DUOX2: variants seen among roughly 807,000 people sequenced by gnomAD.
DUOX2 encodes dual oxidase 2.
DUOX2 carries 185 observed loss-of-function variants against 183.3 expected under a neutral mutation model. The ratio of observed to expected loss-of-function variants is 1.01; its 90% CI spans 0.90 to 1.14. The LOEUF (loss-of-function observed/expected upper bound fraction) is 1.14. Among genes scored for constraint, DUOX2 ranks in the 50% most tolerant of loss-of-function variants. The pLI is 0.00. For missense variants in DUOX2, 1,999 were observed against 2,022.9 expected, an observed-to-expected ratio of 0.99 and a Z score of 0.23; for synonymous variants, 788 against 812.4, an observed-to-expected ratio of 0.97 and a Z score of 0.51.
intron 19 of DUOX2, 30 bp downstream of exon 19, chr15:45,104,110 T>C (rs1894151766): frequency 6.2e-7 from 1 of 1,613,986 alleles, no homozygotes; most frequent in Admixed American, 1.7e-5. Context: ...CCTGGATTCT[T>C]GGATAGCCTG....
rs1424506821 is a variant in DUOX2 at position 45,095,833 on chromosome 15, G to A, written c.4075C>T (p.Pro1359Ser). Residue 1359 changes from proline to serine, a missense_variant, in exon 30 of 34, where the codon CCA becomes TCA. Transcript: ENST00000389039. ...GGGTTCCCAGTGACGGGCACCTTTG[G>A]GTATCCAGCACAGCCATTGCCCTTT... ...SPKGNGCAGY[P>S]KLYLDGPFGE... The A allele has an allele frequency of 6.2e-7, 1 of 1,613,764 alleles. No individual in the cohort carries two copies. The highest frequency in any genetic ancestry group is 8.5e-7 in the Non-Finnish European group (1 of 1,179,784).
chr15:45,102,127 G>T, intron 20 of DUOX2, 138 bp from the exon 21 acceptor site: 2 of 1,120,204 alleles, frequency 1.8e-6, no homozygotes, highest in Non-Finnish European at 2.6e-6. Context: ...TGCTCATCCA[G>T]CCTGCCGCTG....
chr15:45,113,143 C>A, intron 2 of DUOX2, 67 bp from the exon 3 acceptor site: 1 of 1,546,282 alleles, frequency 6.5e-7, no homozygotes, highest in Non-Finnish European at 8.8e-7. Flanking sequence ...CAACGAAGGC[C>A]TTGGCCAGTC....
chr15:45,101,579 G>A, intron 21 of DUOX2: 1 of 655,532 alleles, frequency 1.5e-6, no homozygotes, highest in Non-Finnish European at 2.7e-6. Flanking sequence ...GCAGTGTGTA[G>A]GATAGATTTC....
chr15:45,106,697 G>A (rs1894223960), intron 15 of DUOX2, 56 bp from the exon 16 acceptor site: 1 of 1,610,660 alleles, frequency 6.2e-7, no homozygotes, highest in African/African-American at 1.3e-5. Context: ...GAGCTCCACT[G>A]TGGCTTAGGC....
rs1350851900 is a variant in DUOX2 at position 45,094,975 on chromosome 15, G to A, written c.4356C>T (p.Thr1452=). The change falls in exon 32 of 34, where the codon ACC becomes ACT. Residue 1452 remains threonine (T), a synonymous_variant. Transcript: ENST00000389039. ...TGAGGTCGAACTTCTCAGCCAGCTG[G>A]GTGACATAAATGTGCACAGACACCA... The part of the protein sequence containing the change: ...QDLVSVHIYV[T]QLAEKFDLRT... 1 of 1,613,956 alleles carries A rather than the reference G, an allele frequency of 6.2e-7. No individual in the cohort carries two copies. Among genetic ancestry groups the A allele is most frequent in the Non-Finnish European group, 8.5e-7 (1 of 1,179,998 alleles).
chr15:45,112,677 C>T lies in DUOX2; in HGVS notation c.202G>A (p.Gly68Ser), dbSNP rs886051198. Residue 68 changes from glycine (G) to serine (S), a missense_variant, in exon 4 of 34, where the codon GGT (glycine) becomes AGT (serine). Coordinates refer to ENST00000389039, the MANE Select transcript of DUOX2 (RefSeq NM_001363711.2). The part of the protein sequence containing the change: ...QRRVPANYAD[G>S]VYQALEEPQL... Reference sequence around the variant, plus strand: ...GGCTCCTCCAGAGCCTGATACACACCGTCGGCGTAATTGGCTGGTACGCGG... The same window carrying T: ...GGCTCCTCCAGAGCCTGATACACACTGTCGGCGTAATTGGCTGGTACGCGG... The T allele has an allele frequency of 1.2e-6, 2 of 1,612,748 alleles. No homozygotes were observed. The highest frequency in any genetic ancestry group is 1.7e-5 in the Admixed American group (1 of 60,032).
At chr15:45,103,600 T>C (rs1190641890) in intron 20 of DUOX2, among the ~76,000 whole-genome samples, 3 of 152,156 alleles carry the variant, frequency 2.0e-5, no homozygotes, top group East Asian at 3.8e-4. Context: ...ACTGTTTCAC[T>C]GGGTAGAGCA....
In DUOX2 at chr15:45,095,768, A is replaced by T. The variant is rs1185490814; in HGVS notation, c.4080+60T>A. On this transcript the variant is annotated intron_variant, in intron 30 of 33. Coordinates refer to ENST00000389039, the MANE Select transcript of DUOX2 (RefSeq NM_001363711.2). Reference sequence around the variant, plus strand: ...GGAGCTTCTAGTCTCAGGATAGGGAAGGGCAGAGATCCTCTGCCAGTGCCA... The same window carrying T: ...GGAGCTTCTAGTCTCAGGATAGGGATGGGCAGAGATCCTCTGCCAGTGCCA... The T allele has an allele frequency of 2.6e-6, 4 of 1,555,782 alleles. No individual in the cohort carries two copies. In the Admixed American group the frequency reaches 5.2e-5, roughly 20 times the overall value.
chr15:45,099,010 T>TA (rs1430517701), intron 26 of DUOX2: 22 of 284,496 alleles, frequency 7.7e-5, no homozygotes, highest in African/African-American at 4.9e-4. Flanking sequence ...TGCCTATTTC[T>TA]TTCTTTTTTT....
intron 33 of DUOX2, 60 bp from the exon 34 acceptor site, chr15:45,094,332 G>A (rs1893843376): frequency 2.5e-6 from 4 of 1,611,878 alleles, no homozygotes; most frequent in Admixed American, 1.7e-5. Flanking sequence ...CTCTCCTTGG[G>A]AAAAGCTGCT....
rs1443158045 is a variant in DUOX2 at position 45,092,728 on chromosome 15, A to T, written c.*1422T>A. On this transcript the variant is annotated 3_prime_UTR_variant, in exon 34 of 34. Transcript: ENST00000389039. Reference sequence around the variant, plus strand: ...CAACCCAAACGTCCATCAACAGAAGAATAAACAAACTGTGGTACATCTCTA... The same window carrying T: ...CAACCCAAACGTCCATCAACAGAAGTATAAACAAACTGTGGTACATCTCTA... 1.3e-5 allele frequency: 2 copies of T among 152,242 alleles called. No homozygotes were observed. Among genetic ancestry groups the T allele is most frequent in the African/African-American group, 4.8e-5 (2 of 41,468 alleles). 9.4% of individuals were successfully genotyped at this position (152,242 alleles called of 1,614,324 possible).
At chr15:45,113,526 A>G in intron 1 of DUOX2, 101 bp from the exon 2 acceptor site, 1 of 926,158 alleles carries the variant, frequency 1.1e-6, no homozygotes, top group Non-Finnish European at 1.7e-6. Flanking sequence ...CTGGAGGAGG[A>G]GCACCAGCTG....
At chr15:45,106,673 G>T in intron 15 of DUOX2, 32 bp from the exon 16 acceptor site, 1 of 1,608,172 alleles carries the variant, frequency 6.2e-7, no homozygotes, top group South Asian at 1.1e-5. Context: ...AGTGAGGAGG[G>T]AGCCCCTCAC....
intron 28 of DUOX2, 48 bp downstream of exon 28, chr15:45,097,566 C>T: frequency 6.2e-7 from 1 of 1,614,072 alleles, no homozygotes; most frequent in Non-Finnish European, 8.5e-7. Context: ...CCTTCCTGTC[C>T]CATCCTGAGC....
Position 45,094,444 on chromosome 15 carries a change from C to G in DUOX2, c.4524+119G>C, listed in dbSNP as rs891257912. ...TCCCCCTTTAACAGCTGACCTCATC[C>G]TGGGGCCAGGCAATCGGGTGGAGTT... On this transcript the variant is annotated intron_variant, in intron 33 of 33. Transcript: ENST00000389039. 5 of 1,527,560 alleles carry G rather than the reference C, an allele frequency of 3.3e-6. No individual in the cohort carries two copies. The African/African-American group carries it at 6.9e-5, about 21-fold the overall frequency. 94.6% of individuals were successfully genotyped at this position (1,527,560 alleles called of 1,614,324 possible).
In DUOX2 at chr15:45,106,310, G is replaced by A. The variant is rs1214313155; in HGVS notation, c.1963C>T (p.Pro655Ser). The part of the protein sequence containing the change: ...DGVPAMEWPG[P>S]KERSSPIIIQ... ...ATGATGGGACTGCTCCTCTCCTTGGGGCCTGGCCACTCCATCGCTGGGGAA... is the reference window on the plus strand; with the variant it reads ...ATGATGGGACTGCTCCTCTCCTTGGAGCCTGGCCACTCCATCGCTGGGGAA... Residue 655 changes from proline to serine, a missense_variant, in exon 17 of 34, where the codon CCC (proline) becomes TCC (serine). Pro to Ser is a moderately conservative substitution (Grantham distance 74). Around this residue, in one of 3 missense-constraint regions of DUOX2, gnomAD observed 1,628 missense variants for 1,608.6 expected, o/e 1.01. Transcript: ENST00000389039. The A allele has an allele frequency of 6.2e-6, 10 of 1,613,904 alleles. No individual in the cohort carries two copies. The highest frequency in any genetic ancestry group is 5.3e-5 in the African/African-American group (4 of 74,888).
At position 45,104,139 on chromosome 15, in the gene DUOX2, C is replaced by T. The variant is rs1219664039; in HGVS notation, c.2560+1G>A. 6.2e-7 allele frequency: 1 copy of T among 1,614,076 alleles called. No individual in the cohort carries two copies. The highest frequency in any genetic ancestry group is 8.5e-7 in the Non-Finnish European group (1 of 1,180,038). On this transcript the variant is annotated splice_donor_variant, in intron 19 of 33. Coordinates refer to ENST00000389039, the MANE Select transcript of DUOX2 (RefSeq NM_001363711.2). LOFTEE classifies it high-confidence loss of function. The stretch of plus-strand genomic sequence containing the variant: ...TAGCCTGCCACCTCCCAGCCCCCTA[C>T]CTTTCATGAAGACCACCAGGATGTC...
chr15:45,099,321 T>C (rs1893996680), intron 26 of DUOX2, 62 bp downstream of exon 26: 2 of 1,521,254 alleles, frequency 1.3e-6, no homozygotes, highest in Non-Finnish European at 1.8e-6. Context: ...GCCTATTTCT[T>C]TTTCTATTAT....
Sources: gnomAD v4.1 joint callset for allele counts (sites outside exome capture counted in the v4.1 genomes callset) on GRCh38, gnomAD v4.1.1 for gene constraint, gnomAD v4.1.1 regional missense constraint, MANE v1.5 for transcripts, NCBI Gene and HGNC (gene_info 2026-07-23, HGNC 2026-07-21) for gene names.